The following ENAH variants were observed in gnomAD, a reference collection of about 807,000 sequenced individuals.
ENAH encodes ENAH actin regulator.
In ENAH, 23 loss-of-function variants were observed where a neutral mutation model predicts 78.7. The observed-to-expected ratio is 0.29, with a 90% CI of 0.21 to 0.41. The LOEUF is 0.41. Among genes scored for constraint, ENAH ranks in the 10% least tolerant of loss-of-function variants. The pLI, the probability that ENAH is intolerant of heterozygous loss-of-function variation, is 1.00. For missense variants in ENAH, 544 were observed against 691.0 expected (o/e 0.79, Z 2.39); for synonymous variants, 226 against 241.0 (o/e 0.94, Z 0.58).
chr1:225,603,620 TAC>T (rs2096941012), intron 1 of ENAH, among the ~76,000 whole-genome samples: 1 of 152,168 alleles, frequency 6.6e-6, no homozygotes, highest in Admixed American at 6.5e-5. Flanking sequence ...CCTCAAAATG[TAC>T]AGAGGCATTC....
chr1:225,593,184 G>A (rs574661244), intron 1 of ENAH, among the ~76,000 whole-genome samples: 1 of 152,246 alleles, frequency 6.6e-6, no homozygotes, highest in African/African-American at 2.4e-5. Flanking sequence ...AAGACGTCTA[G>A]CCACCCTGAA....
At chr1:225,616,368 AC>A (rs1342008747) in intron 1 of ENAH, among the ~76,000 whole-genome samples, 1 of 152,052 alleles carries the variant, frequency 6.6e-6, no homozygotes, top group Non-Finnish European at 1.5e-5. Context: ...TGAAATAGTC[AC>A]ATTTAAGGCA....
chr1:225,504,946 T>C, intron 11 of ENAH: 2 of 1,485,766 alleles, frequency 1.3e-6, no homozygotes, highest in Admixed American at 1.7e-5. Context: ...ATCCTGAACA[T>C]GTTATTTAAA....
chr1:225,633,657 G>C (rs965898842), intron 1 of ENAH, among the ~76,000 whole-genome samples: 11 of 152,148 alleles, frequency 7.2e-5, no homozygotes, highest in Non-Finnish European at 1.3e-4. Flanking sequence ...ATGACGACAT[G>C]AATCTCATGG....
chr1:225,579,369 GGTTT>G (rs1312898358), intron 1 of ENAH, among the ~76,000 whole-genome samples: 1 of 151,936 alleles, frequency 6.6e-6, no homozygotes, highest in East Asian at 1.9e-4. Flanking sequence ...AAATAACCAA[GGTTT>G]ATTTTAAAGG....
intron 3 of ENAH, among the ~76,000 whole-genome samples, chr1:225,539,117 C>T (rs1310034268): frequency 1.3e-5 from 2 of 152,200 alleles, no homozygotes; most frequent in Non-Finnish European, 2.9e-5. Flanking sequence ...GAGCTCTTAT[C>T]TGTTCAGTTA....
At chr1:225,606,122 A>C (rs1575692819) in intron 1 of ENAH, among the ~76,000 whole-genome samples, 1 of 152,158 alleles carries the variant, frequency 6.6e-6, no homozygotes, top group African/African-American at 2.4e-5. Context: ...TTTTAATGTT[A>C]TATTAGACCA....
chr1:225,599,057 G>T (rs1020815816), intron 1 of ENAH, among the ~76,000 whole-genome samples: 10 of 152,158 alleles, frequency 6.6e-5, no homozygotes, highest in African/African-American at 2.4e-4. Flanking sequence ...CCAGATGATG[G>T]ACTGAAAAGA....
rs3081083 is a variant in ENAH at position 225,494,083 on chromosome 1, A to AAAC, written c.*3691_*3692insGTT. ...CTAGAGCAAAAAAAAAAAAAAAAAA[A>AAAC]CAGCTGAAAATTTTACAACTGTAAC... On this transcript the variant is annotated 3_prime_UTR_variant, in exon 14 of 14. Transcript: ENST00000366843. 4 of 150,576 alleles carry AAAC rather than the reference A, an allele frequency of 2.7e-5. No homozygotes were observed. Among genetic ancestry groups the AAAC allele is most frequent in the African/African-American group, 9.7e-5 (4 of 41,062 alleles). The allele number at this position is 150,576 out of a possible 1,614,324, so 9.3% of individuals were successfully genotyped here. A position where few individuals can be genotyped will look rare whatever the true frequency, so the allele number is the denominator to read the frequency against.
chr1:225,514,555 G>A, intron 7 of ENAH, 41 bp downstream of exon 7: 2 of 1,379,948 alleles, frequency 1.4e-6, no homozygotes, highest in Non-Finnish European at 2.1e-6. Context: ...TATTTAGGAA[G>A]AATAAGACAT....
rs145760669 is a variant in ENAH at position 225,526,667 on chromosome 1, G to A, written c.434+3887C>T. Among the ~76,000 whole-genome samples, 1,191 of 151,574 alleles carry A rather than the reference G, an allele frequency of 7.9e-3. 9 individuals carry two copies. The highest frequency in any genetic ancestry group is 0.013 in the Non-Finnish European group (904 of 67,876). On this transcript the variant is annotated intron_variant, in intron 4 of 13. Coordinates refer to ENST00000366843, the MANE Select transcript of ENAH (RefSeq NM_018212.6). ...TCGGCGGGGAAAAAAACAGTGAGGTGGTTTTTAAAAAAAGTTTCCAAGTTT... is the reference window on the plus strand; with the variant it reads ...TCGGCGGGGAAAAAAACAGTGAGGTAGTTTTTAAAAAAAGTTTCCAAGTTT...
At chr1:225,576,418 G>A (rs746406965) in intron 1 of ENAH, among the ~76,000 whole-genome samples, 7 of 152,048 alleles carry the variant, frequency 4.6e-5, no homozygotes, top group African/African-American at 1.2e-4. Flanking sequence ...TAAAAATTAA[G>A]TTAAATGTTT....
chr1:225,639,705 AACACAC>A lies in ENAH; in HGVS notation c.5+12975_5+12980del, dbSNP rs374646635. Among the ~76,000 whole-genome samples, 1,072 of 138,624 alleles carry A rather than the reference AACACAC, an allele frequency of 7.7e-3. 10 individuals carry two copies. Among genetic ancestry groups the A allele is most frequent in the African/African-American group, 0.027 (944 of 35,422 alleles). The allele number at this position is 138,624 out of a possible 152,430, so 90.9% of individuals were successfully genotyped here. ...CACAAAATGGACTATGGCGGGATTAAACACACACACACACACACACACACACACACA... is the reference window on the plus strand; with the variant it reads ...CACAAAATGGACTATGGCGGGATTAAACACACACACACACACACACACACA... On this transcript the variant is annotated intron_variant, in intron 1 of 13. Transcript: ENST00000366843.
chr1:225,604,749 C>A (rs181301795), intron 1 of ENAH, among the ~76,000 whole-genome samples: 195 of 152,022 alleles, frequency 1.3e-3, no homozygotes, highest in African/African-American at 4.4e-3. Context: ...GCCGAGATTG[C>A]GCCATTGCAC....
At chr1:225,501,821 T>C (rs2096283737) in intron 11 of ENAH, among the ~76,000 whole-genome samples, 1 of 152,232 alleles carries the variant, frequency 6.6e-6, no homozygotes, top group East Asian at 1.9e-4. Context: ...GTTTAGTTTC[T>C]ATTATAATTC....
At chr1:225,603,545 T>A (rs1198617522) in intron 1 of ENAH, among the ~76,000 whole-genome samples, 1 of 152,142 alleles carries the variant, frequency 6.6e-6, no homozygotes, top group Non-Finnish European at 1.5e-5. Context: ...CATCTTTAAA[T>A]TCAGTACTAG....
intron 1 of ENAH, among the ~76,000 whole-genome samples, chr1:225,589,483 A>T (rs1399184781): frequency 6.6e-6 from 1 of 152,180 alleles, no homozygotes; most frequent in African/African-American, 2.4e-5. Context: ...ACTCCCACAG[A>T]TATTAAAATC....
rs1022242921 is a variant in ENAH at position 225,500,935 on chromosome 1, G to C, written c.1617+57C>G. 22 of 1,472,216 alleles carry C rather than the reference G, an allele frequency of 1.5e-5. No individual in the cohort carries two copies. In the Admixed American group the frequency reaches 3.5e-4, roughly 23 times the overall value. 91.2% of individuals were successfully genotyped at this position (1,472,216 alleles called of 1,614,324 possible). ...ATCCATGTCAAAGATATGCATATGGGATATTTTTTAAAAAGAAACAAGTAC... is the reference window on the plus strand; with the variant it reads ...ATCCATGTCAAAGATATGCATATGGCATATTTTTTAAAAAGAAACAAGTAC... On this transcript the variant is annotated intron_variant, in intron 12 of 13. Coordinates refer to ENST00000366843, the MANE Select transcript of ENAH (RefSeq NM_018212.6).
intron 2 of ENAH, among the ~76,000 whole-genome samples, chr1:225,558,138 T>C (rs188923029): frequency 3.7e-4 from 56 of 152,332 alleles, no homozygotes; most frequent in African/African-American, 1.2e-3. Context: ...TTTTTACATG[T>C]ACTTTTATGA....
Sources: allele counts gnomAD v4.1 joint callset (sites outside exome capture counted in the v4.1 genomes callset), GRCh38; gene constraint gnomAD v4.1.1; transcripts MANE v1.5; gene names NCBI Gene and HGNC (gene_info 2026-07-23, HGNC 2026-07-21).